The following PCNT variants were observed in gnomAD, a reference collection of about 807,000 sequenced individuals.
The protein encoded by PCNT is pericentrin.
A neutral mutation model predicts 380.4 loss-of-function variants in PCNT; 319 were observed. The observed-to-expected ratio is 0.84, with a 90% confidence interval of 0.77 to 0.92. The LOEUF is 0.92. Among genes scored for constraint, PCNT ranks in the 40% least tolerant of loss-of-function variants. PCNT has a pLI of 0.00. For synonymous variants in PCNT, 1,845 were observed against 1,735.2 expected, an observed-to-expected ratio of 1.06 and a Z score of -1.57; for missense variants, 4,400 against 4,255.3, an observed-to-expected ratio of 1.03 and a Z score of -0.95.
rs527725501 is a variant in PCNT at position 46,385,130 on chromosome 21, G to A, written c.3313-702G>A. Among the ~76,000 whole-genome samples, 58 of 152,306 alleles carry A rather than the reference G, an allele frequency of 3.8e-4. No homozygotes were observed. In the South Asian group the frequency reaches 0.012, roughly 31 times the overall value. On this transcript the variant is annotated intron_variant, in intron 16 of 46. Transcript: ENST00000359568. ...AGCACTTCGGGAGGCTGAGGCAGGA[G>A]GACCACTCCAGCCCAGGAATTCGAT...
rs2087036002 is a variant in PCNT, at chr21:46,416,587, C to T, written c.6669C>T (p.Ser2223=). The T allele has an allele frequency of 6.2e-7, 1 of 1,607,686 alleles. No individual in the cohort carries two copies. Among genetic ancestry groups the T allele is most frequent in the Non-Finnish European group, 8.5e-7 (1 of 1,176,972 alleles). Residue 2223 remains serine, a synonymous_variant, in exon 30 of 47, where the codon TCC becomes TCT. Transcript: ENST00000359568. ...CGGTCGGGATGCTGGACCTGTCTTCCTGGAGCTCCCCTGAGGTCCTCAGGA... is the reference window on the plus strand; with the variant it reads ...CGGTCGGGATGCTGGACCTGTCTTCTTGGAGCTCCCCTGAGGTCCTCAGGA... The part of the protein sequence containing the change: ...KSPVGMLDLS[S]WSSPEVLRKD...
intron 31 of PCNT, among the ~76,000 whole-genome samples, chr21:46,419,635 G>T (rs1004602116): frequency 6.6e-6 from 1 of 152,216 alleles, no homozygotes; most frequent in Non-Finnish European, 1.5e-5. Context: ...CTTCACTGCT[G>T]TCCTCGCACA....
intron 31 of PCNT, chr21:46,420,722 C>A: frequency 6.5e-6 from 1 of 153,134 alleles, no homozygotes; most frequent in South Asian, 1.9e-4. Flanking sequence ...GCTGGGCACC[C>A]ATGTCTCGGT....
rs780277815 is a variant in PCNT, at chr21:46,397,257, A to C, written c.4217-8A>C. 1.2e-6 allele frequency: 2 copies of C among 1,612,548 alleles called. No individual in the cohort carries two copies. The highest frequency in any genetic ancestry group is 2.2e-5 in the South Asian group (2 of 91,012). ...GTGTCCCCGTGTCTGTCCTGTTTGC[A>C]TCCTTAGCTCTCCGGAAGGAAGTGG... On this transcript the variant is annotated splice_polypyrimidine_tract_variant and splice_region_variant and intron_variant, in intron 21 of 46. Coordinates refer to ENST00000359568, the MANE Select transcript of PCNT (RefSeq NM_006031.6).
intron 2 of PCNT, among the ~76,000 whole-genome samples, chr21:46,329,518 G>C (rs1177637065): frequency 6.6e-6 from 1 of 152,116 alleles, no homozygotes; most frequent in Non-Finnish European, 1.5e-5. Flanking sequence ...AATAAAACAT[G>C]TATTTTGGAC....
chr21:46,352,433 G>A (rs1393125187), intron 9 of PCNT, among the ~76,000 whole-genome samples: 1 of 152,136 alleles, frequency 6.6e-6, no homozygotes, highest in Non-Finnish European at 1.5e-5. Flanking sequence ...TGCTCCCCGC[G>A]GGCTCCGGCT....
chr21:46,334,271 G>A (rs1407294032), intron 2 of PCNT, 126 bp from the exon 3 acceptor site: 2 of 1,296,868 alleles, frequency 1.5e-6, no homozygotes, highest in South Asian at 1.2e-5. Context: ...TTCTGAACAG[G>A]TGGAAGTGAG....
Position 46,349,072 on chromosome 21 carries a change from C to G in PCNT, c.1093C>G (p.Leu365Val). 1.2e-6 allele frequency: 2 copies of G among 1,607,460 alleles called. No homozygotes were observed. Among genetic ancestry groups the G allele is most frequent in the Non-Finnish European group, 1.7e-6 (2 of 1,173,984 alleles). Reference protein sequence around the residue: ...DLCLENLRKELSAKHQSEMED... With the variant: ...DLCLENLRKEVSAKHQSEMED... ...ATGTTTAGAAAATCTACGCAAAGAA[C>G]TGTCTGCAAAGCATCAATCAGAAAT... Residue 365 changes from leucine to valine, a missense_variant, in exon 7 of 47, where the codon CTG (leucine) becomes GTG (valine). Leu to Val is a conservative substitution (Grantham distance 32). Transcript: ENST00000359568.
chr21:46,373,944 G>C (rs532639281), intron 15 of PCNT, among the ~76,000 whole-genome samples: 1 of 151,960 alleles, frequency 6.6e-6, no homozygotes, highest in South Asian at 2.1e-4. Context: ...TGGCCAGGCT[G>C]GTCTCGAACT....
intron 38 of PCNT, among the ~76,000 whole-genome samples, chr21:46,433,109 C>T (rs9712582): frequency 0.13 from 19,314 of 152,140 alleles, 1,301 homozygotes; most frequent in East Asian, 0.2. Flanking sequence ...AGGCCGGGCA[C>T]GGTGGCCGAT....
At chr21:46,367,371 A>C (rs1211268941) in intron 15 of PCNT, among the ~76,000 whole-genome samples, 4 of 146,012 alleles carry the variant, frequency 2.7e-5, no homozygotes, top group Admixed American at 2.1e-4. Flanking sequence ...GCAGTGGCGC[A>C]ATCTTGGCTC....
At chr21:46,415,244 C>T (rs1327800697) in intron 29 of PCNT, among the ~76,000 whole-genome samples, 1 of 152,218 alleles carries the variant, frequency 6.6e-6, no homozygotes, top group Non-Finnish European at 1.5e-5. Context: ...TCTGAGGAGA[C>T]CCATGAACCT....
At position 46,390,753 on chromosome 21, in the gene PCNT, G is replaced by A. The variant is rs139543323; in HGVS notation, c.3924G>A (p.Lys1308=). ...AGGAGACAGCACAGGTTGTCAGGAA[G>A]CACCAGGAGCTGCTGGAGTGTTTGA... ...KNEETAQVVR[K]HQELLECLKE... The change falls in exon 20 of 47, where the codon AAG becomes AAA. Residue 1308 remains lysine, a synonymous_variant. Transcript: ENST00000359568. The A allele has an allele frequency of 1.1e-5, 17 of 1,613,406 alleles. No individual in the cohort carries two copies. The highest frequency in any genetic ancestry group is 1.4e-5 in the Non-Finnish European group (16 of 1,179,908).
rs2085902603 is a variant in PCNT, at chr21:46,388,091, T to C, written c.3465-651T>C. On this transcript the variant is annotated intron_variant, in intron 17 of 46. Coordinates refer to ENST00000359568, the MANE Select transcript of PCNT (RefSeq NM_006031.6). This position sits in a 1 kb window ranked among gnomAD's most constrained non-coding sequence, Gnocchi z 4.2. The stretch of plus-strand genomic sequence containing the variant: ...CGGGCGTGGTGACAGACGCCTGTAG[T>C]CCCAGCTACTCGGGAGGCTGAGGCA... 6.6e-6 allele frequency among the ~76,000 whole-genome samples: 1 copy of C among 151,912 alleles called. No homozygotes were observed. Among genetic ancestry groups the C allele is most frequent in the Non-Finnish European group, 1.5e-5 (1 of 67,972 alleles).
chr21:46,416,480 A>T lies in PCNT; in HGVS notation c.6562A>T (p.Met2188Leu). 1 of 1,614,152 alleles carries T rather than the reference A, an allele frequency of 6.2e-7. No homozygotes were observed. ...PIQEKSECQD[M>L]SLSSPTSVLG... is the part of the protein sequence containing the mutation. ...TCAAGAAAAATCAGAATGTCAGGAC[A>T]TGTCTCTTTCTTCACCGACCAGCGT... The change falls in exon 30 of 47, where the codon ATG (methionine) becomes TTG (leucine). Residue 2188 changes from methionine to leucine, a missense_variant. By Grantham distance (15) the Met-to-Leu change is conservative (BLOSUM62 2). Coordinates refer to ENST00000359568, the MANE Select transcript of PCNT (RefSeq NM_006031.6).
intron 13 of PCNT, among the ~76,000 whole-genome samples, chr21:46,359,253 C>G (rs2084598438): frequency 8.2e-6 from 1 of 122,652 alleles, no homozygotes; most frequent in Admixed American, 7.9e-5. Flanking sequence ...GAACCTGGCT[C>G]CAGGTGACTT....
chr21:46,436,969 A>G lies in PCNT; in HGVS notation c.8997-10A>G. 1 of 1,607,052 alleles carries G rather than the reference A, an allele frequency of 6.2e-7. No individual in the cohort carries two copies. Among genetic ancestry groups the G allele is most frequent in the Non-Finnish European group, 8.5e-7 (1 of 1,173,586 alleles). On this transcript the variant is annotated splice_polypyrimidine_tract_variant and intron_variant, in intron 39 of 46. Coordinates refer to ENST00000359568, the MANE Select transcript of PCNT (RefSeq NM_006031.6). ...CGTATGCAACTTTGAGTGCCCATTT[A>G]TTTTTACAGGACAGTTAATGATTGG...
intron 31 of PCNT, 21 bp from the exon 32 acceptor site, chr21:46,421,949 C>G (rs377755877): frequency 8.4e-5 from 135 of 1,613,350 alleles, no homozygotes; most frequent in Admixed American, 2.0e-4. Flanking sequence ...GGGTGGGACC[C>G]TGACCCTGTG....
rs1282818749 is a variant in PCNT at position 46,445,374 on chromosome 21, G to T, written c.*47G>T. 2.0e-6 allele frequency: 3 copies of T among 1,472,794 alleles called. No homozygotes were observed. The highest frequency in any genetic ancestry group is 2.9e-6 in the Non-Finnish European group (3 of 1,051,000). 91.2% of individuals were successfully genotyped at this position (1,472,794 alleles called of 1,614,324 possible). A position where few individuals can be genotyped will look rare whatever the true frequency, so the allele number is the denominator to read the frequency against. On this transcript the variant is annotated 3_prime_UTR_variant, in exon 47 of 47. Transcript: ENST00000359568. The stretch of plus-strand genomic sequence containing the variant: ...CTGCGACAATTCTATTTGAGGAAAA[G>T]ATTTGTTTTTCCCTTTTCCCAAGGA...
Sources: gnomAD v4.1 joint callset for allele counts (sites outside exome capture counted in the v4.1 genomes callset) on GRCh38, gnomAD v4.1.1 for gene constraint, Gnocchi (gnomAD v3.1) non-coding constraint, MANE v1.5 for transcripts, NCBI Gene and HGNC (gene_info 2026-07-23, HGNC 2026-07-21) for gene names.